EHHADH: variants seen among roughly 807,000 people sequenced by gnomAD.
EHHADH encodes the protein enoyl-CoA hydratase and 3-hydroxyacyl CoA dehydrogenase.
EHHADH carries 48 observed loss-of-function variants against 64.4 expected under a neutral mutation model. The observed-to-expected ratio is 0.75, with a 90% CI of 0.59 to 0.95. The LOEUF (loss-of-function observed/expected upper bound fraction) is 0.95, where lower values mean the gene tolerates loss of function less well. Among genes scored for constraint, EHHADH ranks in the 40% least tolerant of loss-of-function variants. EHHADH has a pLI of 0.00. For missense variants in EHHADH, 854 were observed against 876.6 expected (o/e 0.97, Z 0.33); for synonymous variants, 308 against 326.7 (o/e 0.94, Z 0.62).
chr3:185,192,386 C>T lies in EHHADH; in HGVS notation c.2012G>A (p.Gly671Glu), dbSNP rs1203283619. The change falls in exon 7 of 7, where the codon GGG becomes GAG. Residue 671 changes from glycine (G) to glutamate (E), a missense_variant. Transcript: ENST00000231887. ...GGPMFYASTV[G>E]LPTVLEKLQK... ...CAATTTCTCTAGAACTGTGGGCAACCCAACTGTGGAAGCATAGAACATGGG... is the reference window on the plus strand; with the variant it reads ...CAATTTCTCTAGAACTGTGGGCAACTCAACTGTGGAAGCATAGAACATGGG... 1 of 1,614,150 alleles carries T rather than the reference C, an allele frequency of 6.2e-7. No homozygotes were observed. The highest frequency in any genetic ancestry group is 1.7e-5 in the Admixed American group (1 of 60,014).
chr3:185,199,065 G>T (rs982006826), intron 6 of EHHADH, among the ~76,000 whole-genome samples: 9 of 152,032 alleles, frequency 5.9e-5, no homozygotes, highest in African/African-American at 2.2e-4. Flanking sequence ...GATTCAAAGG[G>T]AAAAAATTAC....
intron 3 of EHHADH, among the ~76,000 whole-genome samples, chr3:185,234,495 T>G (rs1397704460): frequency 6.6e-6 from 1 of 151,536 alleles, no homozygotes; most frequent in African/African-American, 2.4e-5. Context: ...GACTCAGGAG[T>G]TCCCCTGTAG....
intron 6 of EHHADH, 64 bp downstream of exon 6, chr3:185,204,352 A>C: frequency 6.9e-7 from 1 of 1,450,086 alleles, no homozygotes. Context: ...GGTAGCCCTA[A>C]GCAAATGGTA....
At chr3:185,206,905 A>ACC (rs199845743) in intron 5 of EHHADH, among the ~76,000 whole-genome samples, 20 of 148,274 alleles carry the variant, frequency 1.3e-4, no homozygotes, top group Admixed American at 4.1e-4. Flanking sequence ...TCAGAATAAC[A>ACC]CCCCCCCCAC....
intron 5 of EHHADH, among the ~76,000 whole-genome samples, chr3:185,213,903 GAAAGAGAAA>G (rs60793326): frequency 0.068 from 10,114 of 149,270 alleles, 1,141 homozygotes; most frequent in African/African-American, 0.23. Context: ...AAGAAAAAAA[GAAAGAGAAA>G]AAAGAGGAAA....
At position 185,192,132 on chromosome 3, in the gene EHHADH, G is replaced by T; in HGVS notation, c.*94C>A. 7.2e-7 allele frequency: 1 copy of T among 1,383,036 alleles called. No homozygotes were observed. Among genetic ancestry groups the T allele is most frequent in the South Asian group, 1.4e-5 (1 of 71,480 alleles). 85.7% of individuals were successfully genotyped at this position (1,383,036 alleles called of 1,614,324 possible). A position where few individuals can be genotyped will look rare whatever the true frequency, so the allele number is the denominator to read the frequency against. On this transcript the variant is annotated 3_prime_UTR_variant, in exon 7 of 7. Coordinates refer to ENST00000231887, the MANE Select transcript of EHHADH (RefSeq NM_001966.4). ...ATTATTTATTTTGCTTTGTATTTCA[G>T]AACAATCTTACTTTGGATTTTTGAT... is the stretch of plus-strand genomic sequence containing the variant.
At chr3:185,228,285 G>C (rs971594868) in intron 4 of EHHADH, among the ~76,000 whole-genome samples, 2 of 114,598 alleles carry the variant, frequency 1.7e-5, no homozygotes, top group African/African-American at 6.1e-5. Context: ...TATATGGAGA[G>C]AGAGAGAGAG....
chr3:185,213,079 C>T (rs1271194584), intron 5 of EHHADH, among the ~76,000 whole-genome samples: 1 of 113,826 alleles, frequency 8.8e-6, no homozygotes, highest in Non-Finnish European at 1.6e-5. Context: ...AAGATTGCAC[C>T]ATTGTACTCC....
chr3:185,228,257 A>AAAAT (rs1367786172), intron 4 of EHHADH, among the ~76,000 whole-genome samples: 1 of 22,008 alleles, frequency 4.5e-5, no homozygotes, highest in East Asian at 7.8e-4. Flanking sequence ...AAAAAAAAAA[A>AAAAT]ATATATATAT....
In EHHADH at chr3:185,213,119, C is replaced by CA. The variant is rs550233979; in HGVS notation, c.568+5016dup. ...TGGGTGAAGAAGCAAGACTCTGTCT[C>CA]AAAAAAAAAAAAAAAAAAAAAAAAA... is the stretch of plus-strand genomic sequence containing the variant. On this transcript the variant is annotated intron_variant, in intron 5 of 6. Transcript: ENST00000231887. Among the ~76,000 whole-genome samples, 180 of 43,048 alleles carry CA rather than the reference C, an allele frequency of 4.2e-3. 43 individuals are homozygous for CA. The highest frequency in any genetic ancestry group is 7.8e-3 in the South Asian group (4 of 516). The allele number at this position is 43,048 out of a possible 152,430, so 28.2% of individuals were successfully genotyped here.
intron 5 of EHHADH, among the ~76,000 whole-genome samples, chr3:185,210,548 C>A (rs994677172): frequency 6.6e-6 from 1 of 150,966 alleles, no homozygotes; most frequent in Non-Finnish European, 1.5e-5. Flanking sequence ...GAAGGAGAAT[C>A]GCTTTGAATC....
chr3:185,221,982 C>T (rs570519597), intron 4 of EHHADH, among the ~76,000 whole-genome samples: 1 of 152,070 alleles, frequency 6.6e-6, no homozygotes, highest in Non-Finnish European at 1.5e-5. Context: ...CCCCTTTGCA[C>T]TCTTAAAAAT....
intron 4 of EHHADH, among the ~76,000 whole-genome samples, chr3:185,225,656 C>T (rs533363691): frequency 3.9e-5 from 6 of 152,228 alleles, no homozygotes; most frequent in African/African-American, 1.4e-4. Flanking sequence ...AGCCAAAGTT[C>T]TTTCTATAAC....
chr3:185,219,863 A>G (rs1718789416), intron 4 of EHHADH, among the ~76,000 whole-genome samples: 1 of 152,208 alleles, frequency 6.6e-6, no homozygotes, highest in Non-Finnish European at 1.5e-5. Context: ...TTGGATAGAA[A>G]GTTCAGTGAT....
At chr3:185,250,114 T>G (rs779527407) in intron 1 of EHHADH, among the ~76,000 whole-genome samples, 2 of 152,178 alleles carry the variant, frequency 1.3e-5, no homozygotes, top group Non-Finnish European at 2.9e-5. Flanking sequence ...TGAGAGAAAT[T>G]AGCTTTTTAT....
chr3:185,193,830 T>G (rs542329818), intron 6 of EHHADH, among the ~76,000 whole-genome samples: 1 of 152,190 alleles, frequency 6.6e-6, no homozygotes, highest in South Asian at 2.1e-4. Flanking sequence ...CTACTTACAA[T>G]AGCATCAAAA....
chr3:185,202,992 A>AG (rs924823094), intron 6 of EHHADH, among the ~76,000 whole-genome samples: 3 of 129,354 alleles, frequency 2.3e-5, no homozygotes, highest in South Asian at 2.8e-4. Context: ...CAGGAAGGGG[A>AG]GGGGGGGATG....
chr3:185,229,263 GC>G (rs781393467), intron 4 of EHHADH, among the ~76,000 whole-genome samples, 168 bp downstream of exon 4: 2 of 152,220 alleles, frequency 1.3e-5, no homozygotes, highest in Non-Finnish European at 2.9e-5. Flanking sequence ...CGTTTGAGAA[GC>G]TCAGAAAGGT....
rs1333510188 is a variant in EHHADH at position 185,191,022 on chromosome 3, A to C, written c.*1204T>G. On this transcript the variant is annotated 3_prime_UTR_variant, in exon 7 of 7. Coordinates refer to ENST00000231887, the MANE Select transcript of EHHADH (RefSeq NM_001966.4). ...ATGTGACCATTACCACAATAAGTTT[A>C]GACCATTTTCATGAACCATAAAGAA... The C allele has an allele frequency of 6.6e-6, 1 of 152,260 alleles. No homozygotes were observed. Among genetic ancestry groups the C allele is most frequent in the East Asian group, 1.9e-4 (1 of 5,202 alleles). The allele number at this position is 152,260 out of a possible 1,614,324, so 9.4% of individuals were successfully genotyped here.
Sources: allele counts gnomAD v4.1 joint callset (sites outside exome capture counted in the v4.1 genomes callset), GRCh38; gene constraint gnomAD v4.1.1; transcripts MANE v1.5; gene names NCBI Gene and HGNC (gene_info 2026-07-23, HGNC 2026-07-21).